SYNE1: variants seen among roughly 807,000 people sequenced by gnomAD.
SYNE1 encodes the protein nesprin-1.
SYNE1 carries 616 observed loss-of-function variants against 1,111.0 expected under a neutral mutation model. That is an observed-to-expected ratio of 0.55 (90% CI 0.52 to 0.59). SYNE1 has a LOEUF of 0.59. Ranked by LOEUF, SYNE1 falls within the 20% of genes least tolerant of loss-of-function variation. The probability of loss-of-function intolerance (pLI) is 0.00; values close to 1 mark genes in which losing one functional copy is unlikely to be tolerated. For synonymous variants in SYNE1, 3,855 were observed against 3,825.8 expected (o/e 1.01, Z -0.28); for missense variants, 10,006 against 10,417.0 (o/e 0.96, Z 1.72).
In SYNE1 at chr6:152,354,858, C is replaced by T. The variant is rs1060499769; in HGVS notation, c.10727G>A (p.Arg3576Gln). The T allele has an allele frequency of 6.8e-6, 11 of 1,614,120 alleles. No homozygotes were observed. The highest frequency in any genetic ancestry group is 3.3e-5 in the South Asian group (3 of 91,082). The change falls in exon 67 of 146, where the codon CGG becomes CAG. Residue 3576 changes from arginine to glutamine, a missense_variant. Physicochemically the swap from Arg to Gln is conservative, Grantham distance 43. Coordinates refer to ENST00000367255, the MANE Select transcript of SYNE1 (RefSeq NM_182961.4). ...GTGCTGGTAAGCCTGCCAGTCTTGC[C>T]GGAGAGACTCTAAAGCCCGGTCCTC... ...QAEDRALESL[R>Q]QDWQAYQHRL... is the part of the protein sequence containing the mutation.
At chr6:152,366,069 C>T (rs546805960) in intron 62 of SYNE1, among the ~76,000 whole-genome samples, 6 of 152,272 alleles carry the variant, frequency 3.9e-5, no homozygotes, top group Admixed American at 3.9e-4. Flanking sequence ...CGCGGTGGCT[C>T]ACCCTGTAAT....
chr6:152,163,799 CCTGT>C (rs1365059830), intron 131 of SYNE1, among the ~76,000 whole-genome samples: 2 of 152,122 alleles, frequency 1.3e-5, no homozygotes, highest in Non-Finnish European at 2.9e-5. Context: ...TCCTTTCAGT[CCTGT>C]CTAAGTGTAT....
At position 152,232,149 on chromosome 6, in the gene SYNE1, G is replaced by T; in HGVS notation, c.20829C>A (p.Tyr6943Ter). ...DEDNIKNSIG[Y>*]KAIHEYLQKY... Reference sequence around the variant, plus strand: ...TCTGAAGGTATTCATGAATTGCCTTGTAACCTATGGAATTTTTAATATTAT... The same window carrying T: ...TCTGAAGGTATTCATGAATTGCCTTTTAACCTATGGAATTTTTAATATTAT... The change falls in exon 113 of 146, where the codon TAC (tyrosine) becomes TAA (stop). Residue 6943 changes from tyrosine to a stop codon, truncating the protein, a stop_gained. Transcript: ENST00000367255. LOFTEE classifies it high-confidence loss of function. The T allele has an allele frequency of 1.2e-6, 2 of 1,603,442 alleles. No individual in the cohort carries two copies. Among genetic ancestry groups the T allele is most frequent in the Non-Finnish European group, 1.7e-6 (2 of 1,170,550 alleles).
intron 100 of SYNE1, among the ~76,000 whole-genome samples, chr6:152,263,294 C>T (rs2092294813): frequency 6.6e-6 from 1 of 152,072 alleles, no homozygotes; most frequent in Non-Finnish European, 1.5e-5. Context: ...TAGTACAGGA[C>T]ACGGAGGGAT....
rs1279972048 is a variant in SYNE1 at position 152,284,133 on chromosome 6, T to C, written c.18052A>G (p.Asn6018Asp). ...TCTGCGAGAGAGGACTGGAGCTCAT[T>C]GATTTCATCCTGGAGCATGAGAATC... ...DEILMLQDEI[N>D]ELQSSLAEEL... Residue 6018 changes from asparagine to aspartate, a missense_variant, in exon 96 of 146, where the codon AAT becomes GAT. Asn to Asp is a conservative substitution (Grantham distance 23). Around this residue, in one of 7 missense-constraint regions of SYNE1, gnomAD observed 4,955 missense variants for 5,017.2 expected, o/e 0.99. Coordinates refer to ENST00000367255, the MANE Select transcript of SYNE1 (RefSeq NM_182961.4). 2 of 1,614,100 alleles carry C rather than the reference T, an allele frequency of 1.2e-6. No individual in the cohort carries two copies. Among genetic ancestry groups the C allele is most frequent in the Non-Finnish European group, 1.7e-6 (2 of 1,180,050 alleles).
At chr6:152,611,608 G>A (rs2128795136) in intron 3 of SYNE1, among the ~76,000 whole-genome samples, 1 of 152,220 alleles carries the variant, frequency 6.6e-6, no homozygotes, top group Non-Finnish European at 1.5e-5. Context: ...GGTTAACAAG[G>A]ATATCCAGGA....
chr6:152,363,393 C>T (rs1280515902), intron 63 of SYNE1, among the ~76,000 whole-genome samples: 1 of 150,282 alleles, frequency 6.7e-6, no homozygotes, highest in Non-Finnish European at 1.5e-5. Context: ...ACTCGAGAGG[C>T]TGAGGCAGGA....
At chr6:152,202,490 TACTG>T (rs2075711651) in intron 126 of SYNE1, among the ~76,000 whole-genome samples, 1 of 151,958 alleles carries the variant, frequency 6.6e-6, no homozygotes, top group South Asian at 2.1e-4. Context: ...CTGACTCTGT[TACTG>T]ACTATCTGTG....
In SYNE1 at chr6:152,623,483, A is replaced by T. The variant is rs1029041564; in HGVS notation, c.67+4782T>A. Among the ~76,000 whole-genome samples the T allele has an allele frequency of 2.6e-4, 39 of 152,192 alleles. 1 individual carries two copies. ...CACAGACAAAGATTACATGATGAAG[A>T]TGCCAAAAGCAACTGCAACAAAAAC... On this transcript the variant is annotated intron_variant, in intron 3 of 145. Transcript: ENST00000367255.
chr6:152,265,393 GA>G (rs376205110), intron 100 of SYNE1, among the ~76,000 whole-genome samples: 1 of 151,976 alleles, frequency 6.6e-6, no homozygotes, highest in African/African-American at 2.4e-5. Context: ...AATGGCGAGT[GA>G]AAAAAATGCC....
At chr6:152,350,468 A>C in intron 71 of SYNE1, 133 bp from the exon 72 acceptor site, 2 of 1,480,714 alleles carry the variant, frequency 1.4e-6, no homozygotes, top group Non-Finnish European at 1.9e-6. Flanking sequence ...AATGGAAAAC[A>C]ACATAGTCAT....
intron 3 of SYNE1, among the ~76,000 whole-genome samples, chr6:152,563,111 C>T (rs1447089181): frequency 6.6e-6 from 1 of 151,818 alleles, no homozygotes; most frequent in Non-Finnish European, 1.5e-5. Context: ...CACATAGAGA[C>T]AACAATAACA....
rs2097406264 is a variant in SYNE1, at chr6:152,381,119, C to G, written c.8896G>C (p.Glu2966Gln). The G allele has an allele frequency of 6.2e-7, 1 of 1,614,174 alleles. No homozygotes were observed. Among genetic ancestry groups the G allele is most frequent in the African/African-American group, 1.3e-5 (1 of 75,036 alleles). The change falls in exon 56 of 146, where the codon GAG becomes CAG. Residue 2966 changes from glutamate (E) to glutamine (Q), a missense_variant. Glu to Gln is a conservative substitution (Grantham distance 29, BLOSUM62 2). Coordinates refer to ENST00000367255, the MANE Select transcript of SYNE1 (RefSeq NM_182961.4). ...QEFSGQVAQLEQALEQFSALL... is the reference protein window; with the variant it reads ...QEFSGQVAQLQQALEQFSALL... ...GCACTGAACTGTTCCAGGGCCTGCT[C>G]CAGTTGAGCCACTTGGCCTGAGAAT...
rs760160867 is a variant in SYNE1 at position 152,484,819 on chromosome 6, T to C, written c.1185+16A>G. On this transcript the variant is annotated intron_variant, in intron 13 of 145. Coordinates refer to ENST00000367255, the MANE Select transcript of SYNE1 (RefSeq NM_182961.4). ...AATTTATTAAGCTCAGTATAACTAA[T>C]TGTGGGAGAACTTACCCTGGAGGTC... 1.2e-6 allele frequency: 2 copies of C among 1,613,430 alleles called. No homozygotes were observed. The highest frequency in any genetic ancestry group is 1.7e-6 in the Non-Finnish European group (2 of 1,179,636).
At chr6:152,316,683 G>T in intron 87 of SYNE1, 166 bp downstream of exon 87, 1 of 693,768 alleles carries the variant, frequency 1.4e-6, no homozygotes. Context: ...TTCATGAGAA[G>T]CTCCTTTCTG....
At chr6:152,389,279 T>C (rs1402033807) in intron 53 of SYNE1, among the ~76,000 whole-genome samples, 1 of 152,222 alleles carries the variant, frequency 6.6e-6, no homozygotes, top group Non-Finnish European at 1.5e-5. Flanking sequence ...GGGGGTTTGC[T>C]GCCCAGATTT....
At chr6:152,364,211 G>GT (rs1165285083) in intron 63 of SYNE1, among the ~76,000 whole-genome samples, 6 of 152,100 alleles carry the variant, frequency 3.9e-5, no homozygotes, top group Non-Finnish European at 8.8e-5. Context: ...CGCCACGATT[G>GT]TAAGTTTCCT....
chr6:152,143,846 A>G (rs1311238025), intron 137 of SYNE1, 81 bp from the exon 138 acceptor site: 1 of 1,600,268 alleles, frequency 6.2e-7, no homozygotes, highest in Non-Finnish European at 8.6e-7. Context: ...GAAGTTTCAG[A>G]AATGATTTCA....
chr6:152,239,755 G>A (rs2085114653), intron 107 of SYNE1, 49 bp from the exon 108 acceptor site: 2 of 1,609,682 alleles, frequency 1.2e-6, no homozygotes, highest in Non-Finnish European at 1.7e-6. Context: ...CATATATTAT[G>A]TTAGAATCAA....
Sources: allele counts gnomAD v4.1 joint callset (sites outside exome capture counted in the v4.1 genomes callset), GRCh38; gene constraint gnomAD v4.1.1; regional missense constraint gnomAD v4.1.1; transcripts MANE v1.5; gene names NCBI Gene and HGNC (gene_info 2026-07-23, HGNC 2026-07-21).